Variants in SYT17 observed in about 807,000 individuals in gnomAD.
SYT17 encodes synaptotagmin 17.
SYT17 carries 22 observed loss-of-function variants against 46.7 expected under a neutral mutation model. The observed-to-expected ratio is 0.47, with a 90% confidence interval of 0.34 to 0.67. The LOEUF (loss-of-function observed/expected upper bound fraction) is 0.67. SYT17 is among the 30% of genes least tolerant of loss of function. The probability of loss-of-function intolerance (pLI) is 0.01; values close to 1 mark genes in which losing one functional copy is unlikely to be tolerated. For missense variants in SYT17, 519 were observed against 612.8 expected (o/e 0.85, Z 1.62); for synonymous variants, 251 against 248.4 (o/e 1.01, Z -0.10).
intron 7 of SYT17, among the ~76,000 whole-genome samples, chr16:19,243,701 C>T (rs1175561674): frequency 2.0e-5 from 3 of 151,370 alleles, no homozygotes; most frequent in East Asian, 1.9e-4. Context: ...GCCTGTAATC[C>T]CAGCTACTCG....
At chr16:19,249,565 T>G (rs1017162345) in intron 7 of SYT17, among the ~76,000 whole-genome samples, 1 of 152,184 alleles carries the variant, frequency 6.6e-6, no homozygotes, top group Admixed American at 6.5e-5. Context: ...CGGGGATATT[T>G]TTTAAAAATG....
intron 3 of SYT17, among the ~76,000 whole-genome samples, chr16:19,178,224 A>T (rs1964394915): frequency 1.3e-5 from 2 of 151,310 alleles, no homozygotes; most frequent in Admixed American, 1.3e-4. Flanking sequence ...CTGGGACTAC[A>T]GGCGTCCGCC....
chr16:19,217,363 C>T (rs1431219167), intron 5 of SYT17, among the ~76,000 whole-genome samples: 1 of 152,050 alleles, frequency 6.6e-6, no homozygotes, highest in African/African-American at 2.4e-5. Flanking sequence ...ATCCATTAAA[C>T]AGTCACTCCA....
chr16:19,186,321 T>TA (rs11455666), intron 5 of SYT17, among the ~76,000 whole-genome samples: 57,994 of 145,642 alleles, frequency 0.4, 11,405 homozygotes, highest in African/African-American at 0.47. Flanking sequence ...TACAAAACAT[T>TA]AAAAAAAAAA....
chr16:19,173,372 C>CA, intron 2 of SYT17, 58 bp from the exon 3 acceptor site: 1 of 550,854 alleles, frequency 1.8e-6, no homozygotes, highest in Non-Finnish European at 3.1e-6. Context: ...TCCTCTTCCC[C>CA]ACCCTGCCCA....
At chr16:19,227,419 A>G (rs1422888257) in intron 7 of SYT17, among the ~76,000 whole-genome samples, 1 of 151,364 alleles carries the variant, frequency 6.6e-6, no homozygotes, top group Non-Finnish European at 1.5e-5. Flanking sequence ...AGGCTCAAGC[A>G]ATTCTCGTGC....
chr16:19,180,546 A>G lies in SYT17; in HGVS notation c.331+7A>G, dbSNP rs375054358. ...CTGACGCGGAGGATTTCGAGTAAGT[A>G]TCTCTGCTTTACCTTTCTGGGGGCC... On this transcript the variant is annotated splice_region_variant and intron_variant, in intron 4 of 7. Coordinates refer to ENST00000355377, the MANE Select transcript of SYT17 (RefSeq NM_016524.4). The G allele has an allele frequency of 2.5e-5, 41 of 1,613,890 alleles. No individual in the cohort carries two copies. Among genetic ancestry groups the G allele is most frequent in the Non-Finnish European group, 3.3e-5 (39 of 1,179,996 alleles).
At chr16:19,181,765 C>T (rs1281237550) in intron 4 of SYT17, among the ~76,000 whole-genome samples, 9 of 151,048 alleles carry the variant, frequency 6.0e-5, no homozygotes, top group Non-Finnish European at 1.2e-4. Context: ...TTTGGGAGGC[C>T]GAGGCGGGAG....
Position 19,249,596 on chromosome 16 carries a change from A to G in SYT17, c.1229-17284A>G, listed in dbSNP as rs199542995. On this transcript the variant is annotated intron_variant, in intron 7 of 7. Transcript: ENST00000355377. ...AAATGAAACAAGTGGTTGTGGGTTT[A>G]ATTTGCATTTTCTCATGACTGTTGG... Among the ~76,000 whole-genome samples, 28 of 152,266 alleles carry G rather than the reference A, an allele frequency of 1.8e-4. No homozygotes were observed. The East Asian group carries it at 5.4e-3, about 29-fold the overall frequency.
chr16:19,231,637 C>G (rs1315389533), intron 7 of SYT17, among the ~76,000 whole-genome samples: 1 of 149,464 alleles, frequency 6.7e-6, no homozygotes, highest in Non-Finnish European at 1.5e-5. Context: ...TGGGGGAAGG[C>G]AGGTGGAGGA....
At position 19,267,746 on chromosome 16, in the gene SYT17, G is replaced by A. The variant is rs1288298272; in HGVS notation, c.*670G>A. ...AGCTCATCCCAGGGAACGCCCTGTG[G>A]GTATGTATGTGTATGTCCTCGTGCA... On this transcript the variant is annotated 3_prime_UTR_variant, in exon 8 of 8. Transcript: ENST00000355377. 1 of 152,194 alleles carries A rather than the reference G, an allele frequency of 6.6e-6. No homozygotes were observed. Among genetic ancestry groups the A allele is most frequent in the Non-Finnish European group, 1.5e-5 (1 of 68,044 alleles). The allele number at this position is 152,194 out of a possible 1,614,324, so 9.4% of individuals were successfully genotyped here. A position where few individuals can be genotyped will look rare whatever the true frequency, so the allele number is the denominator to read the frequency against.
intron 7 of SYT17, among the ~76,000 whole-genome samples, chr16:19,230,441 A>T (rs957642703): frequency 3.3e-5 from 5 of 151,972 alleles, no homozygotes; most frequent in Non-Finnish European, 5.9e-5. Context: ...GATGGTTGTG[A>T]TGGTTACACA....
intron 7 of SYT17, among the ~76,000 whole-genome samples, chr16:19,240,332 A>C (rs536574969): frequency 6.7e-6 from 1 of 149,962 alleles, no homozygotes; most frequent in South Asian, 2.1e-4. Flanking sequence ...ACAACAGCTC[A>C]GAGGGGACCC....
chr16:19,246,376 T>C (rs1011479), intron 7 of SYT17, among the ~76,000 whole-genome samples: 104,978 of 152,108 alleles, frequency 0.69, 36,860 homozygotes, highest in East Asian at 0.99. Context: ...TAAATTGATA[T>C]CCATTAATGA....
In SYT17 at chr16:19,267,000, C is replaced by T; in HGVS notation, c.1349C>T (p.Ala450Val). ...WRRMLNTHRTAVEQWHSLRSR... is the reference protein window; with the variant it reads ...WRRMLNTHRTVVEQWHSLRSR... ...CGCATGCTCAACACGCACCGCACAG[C>T]CGTGGAGCAGTGGCATAGCCTGAGG... The change falls in exon 8 of 8, where the codon GCC becomes GTC. Residue 450 changes from alanine (A) to valine (V), a missense_variant. By Grantham distance (64) the Ala-to-Val change is moderately conservative (BLOSUM62 0). Coordinates refer to ENST00000355377, the MANE Select transcript of SYT17 (RefSeq NM_016524.4). The T allele has an allele frequency of 6.2e-7, 1 of 1,613,484 alleles. No homozygotes were observed. The highest frequency in any genetic ancestry group is 8.5e-7 in the Non-Finnish European group (1 of 1,179,982).
chr16:19,266,832 C>T (rs769891951), intron 7 of SYT17, 48 bp from the exon 8 acceptor site: 2 of 1,565,574 alleles, frequency 1.3e-6, no homozygotes, highest in African/African-American at 1.3e-5. Flanking sequence ...GTTCTGTTCC[C>T]CTCCTTCCTC....
At chr16:19,171,083 A>C (rs1032100921) in intron 1 of SYT17, 4 of 152,218 alleles carry the variant, frequency 2.6e-5, no homozygotes, top group Non-Finnish European at 5.9e-5. Flanking sequence ...TCACATGATC[A>C]GTCGATGGTG....
intron 3 of SYT17, among the ~76,000 whole-genome samples, chr16:19,174,755 G>A (rs960323079): frequency 1.3e-5 from 2 of 152,156 alleles, no homozygotes; most frequent in African/African-American, 4.8e-5. Context: ...GTTGTCGAAG[G>A]GAGTCAATGA....
chr16:19,172,721 C>CT, intron 1 of SYT17, 39 bp from the exon 2 acceptor site: 1 of 1,613,320 alleles, frequency 6.2e-7, no homozygotes, highest in Non-Finnish European at 8.5e-7. Context: ...CCTTCGTTCC[C>CT]TTACGCCCTT....
Sources: gnomAD v4.1 joint callset for allele counts (sites outside exome capture counted in the v4.1 genomes callset) on GRCh38, gnomAD v4.1.1 for gene constraint, MANE v1.5 for transcripts, NCBI Gene and HGNC (gene_info 2026-07-23, HGNC 2026-07-21) for gene names.